Variants in ZBTB38 observed in about 807,000 individuals in gnomAD.
The protein encoded by ZBTB38 is zinc finger and BTB domain-containing protein 38.
In ZBTB38, 20 loss-of-function variants were observed where a neutral mutation model predicts 76.8. That is an observed-to-expected ratio of 0.26 (90% CI 0.18 to 0.38). The LOEUF is 0.38. Ranked by LOEUF, ZBTB38 falls within the 10% of genes least tolerant of loss-of-function variation. The pLI is 1.00. For synonymous variants in ZBTB38, 504 were observed against 544.2 expected (o/e 0.93, Z 1.03); for missense variants, 1,082 against 1,482.3 (o/e 0.73, Z 4.43).
chr3:141,441,624 C>T (rs899237380), intron 5 of ZBTB38, among the ~76,000 whole-genome samples: 2 of 152,160 alleles, frequency 1.3e-5, no homozygotes, highest in Admixed American at 1.3e-4. Context: ...TTATGAGCCA[C>T]AAATTAGGAA....
chr3:141,416,133 T>C (rs73872719), intron 5 of ZBTB38, among the ~76,000 whole-genome samples: 10,912 of 152,164 alleles, frequency 0.072, 626 homozygotes, highest in African/African-American at 0.16. Context: ...ACAGAAATAA[T>C]TAATCCCATG....
chr3:141,388,611 G>A (rs1367280476), intron 4 of ZBTB38: 1 of 152,106 alleles, frequency 6.6e-6, no homozygotes, highest in East Asian at 1.9e-4. Context: ...TTAACACTGG[G>A]CCAGAACCTG....
At chr3:141,363,646 A>G (rs1943878447), upstream of ZBTB38, among the ~76,000 whole-genome samples, 1 of 152,202 alleles carries the variant, frequency 6.6e-6, no homozygotes. Flanking sequence ...ATAGAGGGAA[A>G]AATAAATAAA....
intron 4 of ZBTB38, among the ~76,000 whole-genome samples, chr3:141,400,870 G>C (rs937248372): frequency 1.3e-5 from 2 of 152,200 alleles, no homozygotes; most frequent in African/African-American, 4.8e-5. Context: ...AAGCAACAAA[G>C]CTGGGCTTTA....
In ZBTB38 at chr3:141,444,173, G is replaced by T. The variant is rs1172200480; in HGVS notation, c.1785G>T (p.Met595Ile). The T allele has an allele frequency of 6.2e-7, 1 of 1,614,006 alleles. No homozygotes were observed. Among genetic ancestry groups the T allele is most frequent in the African/African-American group, 1.3e-5 (1 of 74,908 alleles). Residue 595 changes from methionine (M) to isoleucine (I), a missense_variant, in exon 6 of 6, where the codon ATG (methionine) becomes ATT (isoleucine). Met to Ile is a conservative substitution (Grantham distance 10). Coordinates refer to ENST00000321464, the MANE Select transcript of ZBTB38 (RefSeq NM_001376113.1). The surrounding 1 kb of genome is among the most constrained non-coding windows in gnomAD (Gnocchi z 5.1). ...AAAATGCACGAGAAAACAGTCAAATGAATGAGTCTGCACCTGGTACCTATG... is the reference window on the plus strand; with the variant it reads ...AAAATGCACGAGAAAACAGTCAAATTAATGAGTCTGCACCTGGTACCTATG... ...SYENARENSQ[M>I]NESAPGTYVV...
chr3:141,385,499 A>G (rs1946848923), intron 3 of ZBTB38, among the ~76,000 whole-genome samples: 1 of 152,080 alleles, frequency 6.6e-6, no homozygotes, highest in Non-Finnish European at 1.5e-5. Context: ...CTAGCAAGCT[A>G]TGCTGTTTTC....
At chr3:141,374,413 G>T (rs1312320983) in intron 2 of ZBTB38, among the ~76,000 whole-genome samples, 1 of 152,082 alleles carries the variant, frequency 6.6e-6, no homozygotes, top group Non-Finnish European at 1.5e-5. Flanking sequence ...ATGATTCCTG[G>T]CATTCTATGG....
upstream of ZBTB38, among the ~76,000 whole-genome samples, chr3:141,365,319 T>C (rs772906252): frequency 1.3e-5 from 2 of 152,242 alleles, no homozygotes; most frequent in Non-Finnish European, 2.9e-5. Context: ...CTTCTTACAG[T>C]TATGAAGGCT....
At position 141,433,326 on chromosome 3, in the gene ZBTB38, G is replaced by GTT. The variant is rs61237374; in HGVS notation, c.1-9055_1-9054dup. ...TTAAAATTGTTTTGACTTTTGTTTT[G>GTT]TTTTTTTTTGTTTTTTTTGGTTAGC... On this transcript the variant is annotated intron_variant, in intron 5 of 5. Transcript: ENST00000321464. Among the ~76,000 whole-genome samples, 77 of 147,324 alleles carry GTT rather than the reference G, an allele frequency of 5.2e-4. 1 individual carries two copies. In the East Asian group the frequency reaches 9.7e-3, roughly 19 times the overall value.
chr3:141,351,788 T>C (rs897497032), intron 1 of ZBTB38, among the ~76,000 whole-genome samples: 2 of 151,762 alleles, frequency 1.3e-5, no homozygotes, highest in Non-Finnish European at 2.9e-5. Flanking sequence ...AGATTCAATA[T>C]TATAGGTTGA....
chr3:141,380,382 C>A (rs889429374), intron 2 of ZBTB38, among the ~76,000 whole-genome samples: 1 of 152,192 alleles, frequency 6.6e-6, no homozygotes, highest in Non-Finnish European at 1.5e-5. Context: ...GTCTGCTTGC[C>A]AGACAACTTG....
intron 5 of ZBTB38, among the ~76,000 whole-genome samples, chr3:141,416,059 A>G (rs2073967725): frequency 6.6e-6 from 1 of 152,172 alleles, no homozygotes; most frequent in Non-Finnish European, 1.5e-5. Context: ...AGGGAGGTGT[A>G]GCTGAACTTC....
chr3:141,344,322 G>A (rs6765238), intron 1 of ZBTB38, among the ~76,000 whole-genome samples: 1 of 152,028 alleles, frequency 6.6e-6, no homozygotes, highest in South Asian at 2.1e-4. Flanking sequence ...TTCTAGAGAC[G>A]GTCCTGATTC....
intron 5 of ZBTB38, among the ~76,000 whole-genome samples, chr3:141,429,045 C>G (rs1210671003): frequency 6.6e-6 from 1 of 152,056 alleles, no homozygotes; most frequent in Non-Finnish European, 1.5e-5. Flanking sequence ...AGGCACTGTT[C>G]CAGGTGCTTA....
chr3:141,361,553 G>C (rs1460986232), intron 1 of ZBTB38, among the ~76,000 whole-genome samples: 1 of 152,216 alleles, frequency 6.6e-6, no homozygotes, highest in African/African-American at 2.4e-5. Flanking sequence ...TCATAGAATA[G>C]TTGTGAAAAC....
intron 1 of ZBTB38, among the ~76,000 whole-genome samples, chr3:141,355,693 C>T (rs1233602005): frequency 1.3e-5 from 2 of 152,112 alleles, no homozygotes; most frequent in African/African-American, 2.4e-5. Context: ...AGCCCAAACA[C>T]CCACCTCCCA....
At chr3:141,383,607 A>G (rs558825149) in intron 3 of ZBTB38, 1 of 152,354 alleles carries the variant, frequency 6.6e-6, no homozygotes, top group South Asian at 2.1e-4. Flanking sequence ...AGCTTTGTTC[A>G]TACTTGAATT....
intron 1 of ZBTB38, among the ~76,000 whole-genome samples, chr3:141,351,552 T>C (rs771082330): frequency 1.3e-5 from 2 of 151,652 alleles, no homozygotes; most frequent in Non-Finnish European, 2.9e-5. Flanking sequence ...CTGGGCAACA[T>C]AGTGACCCTG....
At chr3:141,365,934 C>G (rs1257909926), upstream of ZBTB38, among the ~76,000 whole-genome samples, 4 of 152,110 alleles carry the variant, frequency 2.6e-5, no homozygotes, top group African/African-American at 9.7e-5. Context: ...TGAGAGAAAT[C>G]TAAGTCAACA....
Sources: allele counts gnomAD v4.1 joint callset (sites outside exome capture counted in the v4.1 genomes callset), GRCh38; gene constraint gnomAD v4.1.1; non-coding constraint Gnocchi (gnomAD v3.1); transcripts MANE v1.5; gene names NCBI Gene and HGNC (gene_info 2026-07-23, HGNC 2026-07-21).